The following PBX1 variants were observed in gnomAD, a reference collection of about 807,000 sequenced individuals.
PBX1 encodes the protein PBX homeobox 1, also known as pre-B-cell leukemia transcription factor 1.
PBX1 carries 6 observed loss-of-function variants against 53.4 expected under a neutral mutation model. The ratio of observed to expected loss-of-function variants is 0.11; its 90% CI spans 0.06 to 0.22. The LOEUF is 0.22. Among genes scored for constraint, PBX1 ranks in the 10% least tolerant of loss-of-function variants. The pLI is 1.00. For synonymous variants in PBX1, 204 were observed against 212.3 expected, an observed-to-expected ratio of 0.96 and a Z score of 0.34; for missense variants, 251 against 551.4, an observed-to-expected ratio of 0.46 and a Z score of 5.46.
At chr1:164,866,072 C>T (rs1449950349) in intron 2 of PBX1, among the ~76,000 whole-genome samples, 1 of 152,138 alleles carries the variant, frequency 6.6e-6, no homozygotes, top group Non-Finnish European at 1.5e-5. Context: ...CTCTAAGCTT[C>T]CAGTTCGTAC....
chr1:164,731,686 TCTG>T (rs1664995816), intron 2 of PBX1, among the ~76,000 whole-genome samples: 1 of 152,238 alleles, frequency 6.6e-6, no homozygotes, highest in Non-Finnish European at 1.5e-5. Context: ...AAAGCCCTCA[TCTG>T]CTCCAGATGT....
rs181703227 is a variant in PBX1 at position 164,800,754 on chromosome 1, G to A, written c.701+865G>A. On this transcript the variant is annotated intron_variant, in intron 4 of 8. Transcript: ENST00000420696. ...GATTATGGGTATGCTTTGTGATCTA[G>A]AGTTTGTCTTAAATTCATCATCTGT... Among the ~76,000 whole-genome samples the A allele has an allele frequency of 2.0e-4, 30 of 152,262 alleles. No homozygotes were observed. The East Asian group carries it at 5.4e-3, about 27-fold the overall frequency.
chr1:164,788,730 T>C (rs998076209), intron 2 of PBX1, among the ~76,000 whole-genome samples: 18 of 151,452 alleles, frequency 1.2e-4, no homozygotes, highest in Non-Finnish European at 2.5e-4. Context: ...ATGACTGTTG[T>C]TGGTTTTTCT....
intron 2 of PBX1, chr1:164,684,418 TG>T (rs1305119365): frequency 6.6e-6 from 1 of 152,220 alleles, no homozygotes; most frequent in East Asian, 1.9e-4. Context: ...AGGCAATCTA[TG>T]CTTTACTGCT....
intron 2 of PBX1, among the ~76,000 whole-genome samples, chr1:164,566,069 T>C (rs1157713126): frequency 6.6e-6 from 1 of 152,192 alleles, no homozygotes; most frequent in Non-Finnish European, 1.5e-5. Flanking sequence ...TTTTTGCATT[T>C]GTTAATGATT....
At chr1:164,773,241 GCGCACA>G (rs1470462098) in intron 2 of PBX1, among the ~76,000 whole-genome samples, 8 of 135,186 alleles carry the variant, frequency 5.9e-5, no homozygotes, top group African/African-American at 1.1e-4. Context: ...TAGGTAACAC[GCGCACA>G]CACACACACA....
chr1:164,833,310 A>G (rs1454093040), intron 8 of PBX1, among the ~76,000 whole-genome samples: 1 of 152,208 alleles, frequency 6.6e-6, no homozygotes, highest in Non-Finnish European at 1.5e-5. Flanking sequence ...AACACCCAGT[A>G]CCTGCCCTGG....
At chr1:164,687,552 G>A (rs966227060) in intron 2 of PBX1, among the ~76,000 whole-genome samples, 1 of 110,822 alleles carries the variant, frequency 9.0e-6, no homozygotes, top group African/African-American at 3.4e-5. Context: ...GATAAAGTGA[G>A]ACCTTGTCTA....
intron 2 of PBX1, among the ~76,000 whole-genome samples, chr1:164,663,424 C>A (rs902990613): frequency 2.6e-5 from 4 of 152,062 alleles, no homozygotes; most frequent in African/African-American, 9.7e-5. Flanking sequence ...CCCTATGGTA[C>A]AACATGATGT....
intron 2 of PBX1, among the ~76,000 whole-genome samples, chr1:164,776,458 C>T (rs1667650778): frequency 6.6e-6 from 1 of 152,182 alleles, no homozygotes; most frequent in Non-Finnish European, 1.5e-5. Context: ...ACCTCTTGAT[C>T]CACAAATATC....
At chr1:164,784,091 C>T (rs1668056789) in intron 2 of PBX1, among the ~76,000 whole-genome samples, 1 of 152,214 alleles carries the variant, frequency 6.6e-6, no homozygotes, top group Non-Finnish European at 1.5e-5. Context: ...TGGGTTACCA[C>T]AGGCAATCCA....
chr1:164,644,305 A>C (rs1002134301), intron 2 of PBX1, among the ~76,000 whole-genome samples: 1 of 152,198 alleles, frequency 6.6e-6, no homozygotes. Context: ...CTACTAGTAC[A>C]TTACCTATCT....
At chr1:164,791,829 G>A (rs555813079) in intron 2 of PBX1, among the ~76,000 whole-genome samples, 2 of 151,794 alleles carry the variant, frequency 1.3e-5, no homozygotes, top group Non-Finnish European at 2.9e-5. Context: ...TTACCTTTTT[G>A]GGGGGTGGGG....
intron 2 of PBX1, among the ~76,000 whole-genome samples, chr1:164,570,384 G>T (rs1571238244): frequency 6.6e-6 from 1 of 152,026 alleles, no homozygotes; most frequent in East Asian, 1.9e-4. Context: ...ACAGGCCCCA[G>T]TGTGTGATGT....
intron 8 of PBX1, among the ~76,000 whole-genome samples, chr1:164,839,802 C>T (rs570389454): frequency 5.9e-5 from 9 of 152,214 alleles, no homozygotes. Flanking sequence ...GACCTATAAA[C>T]AAGATCTCAG....
At chr1:164,747,195 A>G (rs1571329087) in intron 2 of PBX1, among the ~76,000 whole-genome samples, 1 of 152,026 alleles carries the variant, frequency 6.6e-6, no homozygotes, top group East Asian at 1.9e-4. Context: ...CCTTTTTCCA[A>G]ATTTGAAATA....
rs576244401 is a variant in PBX1 at position 164,595,869 on chromosome 1, G to A, written c.265+32558G>A. Among the ~76,000 whole-genome samples the A allele has an allele frequency of 2.2e-4, 33 of 152,248 alleles. 1 individual carries two copies. The South Asian group carries it at 5.4e-3, about 25-fold the overall frequency. ...AGCCTGGGCTAGCTAGGAAAAATACGTTTTAGGGAAATACAGCTGACAAAA... is the reference window on the plus strand; with the variant it reads ...AGCCTGGGCTAGCTAGGAAAAATACATTTTAGGGAAATACAGCTGACAAAA... On this transcript the variant is annotated intron_variant, in intron 2 of 8. Coordinates refer to ENST00000420696, the MANE Select transcript of PBX1 (RefSeq NM_002585.4).
rs371565849 is a variant in PBX1, at chr1:164,863,176, A to G, written n.257+31693A>G. On this transcript the variant is annotated intron_variant and non_coding_transcript_variant, in intron 2 of 2. Transcript: ENST00000558796. ...TCCTTCAGACACAACAGCAATCCCC[A>G]GCCATGCTGGGCCCTGGCAGGGAGC... Among the ~76,000 whole-genome samples, 18 of 152,352 alleles carry G rather than the reference A, an allele frequency of 1.2e-4. No individual in the cohort carries two copies. The East Asian group carries it at 3.5e-3, about 29-fold the overall frequency.
rs918304296 is a variant in PBX1, at chr1:164,614,454, C to T, written c.265+51143C>T. Among the ~76,000 whole-genome samples the T allele has an allele frequency of 5.9e-5, 9 of 152,066 alleles. 1 individual carries two copies. In the South Asian group the frequency reaches 1.7e-3, roughly 28 times the overall value. On this transcript the variant is annotated intron_variant, in intron 2 of 8. Coordinates refer to ENST00000420696, the MANE Select transcript of PBX1 (RefSeq NM_002585.4). ...TTTCTTAGGTCGGACCTATCTTATTCGTTTCCTCTTTTGTTCTCTGCAGCT... is the reference window on the plus strand; with the variant it reads ...TTTCTTAGGTCGGACCTATCTTATTTGTTTCCTCTTTTGTTCTCTGCAGCT...
Sources: gnomAD v4.1 joint callset for allele counts (sites outside exome capture counted in the v4.1 genomes callset) on GRCh38, gnomAD v4.1.1 for gene constraint, MANE v1.5 for transcripts, NCBI Gene and HGNC (gene_info 2026-07-23, HGNC 2026-07-21) for gene names.